The following TENM3 variants were observed in gnomAD, a reference collection of about 807,000 sequenced individuals.
The protein encoded by TENM3 is teneurin transmembrane protein 3.
TENM3 carries 63 observed loss-of-function variants against 255.1 expected under a neutral mutation model. That is an observed-to-expected ratio of 0.25 (90% CI 0.20 to 0.30). The LOEUF is 0.30. Ranked by LOEUF, TENM3 falls within the 10% of genes least tolerant of loss-of-function variation. The pLI is 1.00. For missense variants in TENM3, 2,929 were observed against 3,461.1 expected (o/e 0.85, Z 3.86); for synonymous variants, 1,306 against 1,322.3 (o/e 0.99, Z 0.27).
chr4:182,731,694 GGTGTGTGTGT>G (rs70956536), intron 16 of TENM3, among the ~76,000 whole-genome samples: 7,629 of 124,568 alleles, frequency 0.061, 338 homozygotes, highest in African/African-American at 0.14. Context: ...TGGGTGTTGG[GGTGTGTGTGT>G]GTGTGTGTGT....
At chr4:182,496,186 C>T (rs1269469011) in intron 3 of TENM3, among the ~76,000 whole-genome samples, 1 of 152,094 alleles carries the variant, frequency 6.6e-6, no homozygotes, top group Non-Finnish European at 1.5e-5. Flanking sequence ...CATATTCTGC[C>T]AGTAGTTTGA....
the TENM3 span, among the ~76,000 whole-genome samples, chr4:181,525,328 T>C: frequency 1.5e-5 from 2 of 135,682 alleles, no homozygotes; most frequent in African/African-American, 5.6e-5. Context: ...ACCCAGGAAG[T>C]GGAGGTTGCA....
the TENM3 span, among the ~76,000 whole-genome samples, chr4:181,610,316 T>C: frequency 0.019 from 2,921 of 152,304 alleles, 39 homozygotes; most frequent in East Asian, 0.038. Context: ...TTGTGAGGCG[T>C]GTATAAGATG....
the TENM3 span, among the ~76,000 whole-genome samples, chr4:181,911,159 T>A: frequency 6.6e-6 from 1 of 152,200 alleles, no homozygotes; most frequent in Non-Finnish European, 1.5e-5. Context: ...TCAGAACACA[T>A]GATCGGTTAA....
chr4:181,631,202 C>T, the TENM3 span, among the ~76,000 whole-genome samples: 3 of 152,148 alleles, frequency 2.0e-5, no homozygotes, highest in Non-Finnish European at 4.4e-5. Context: ...CCACTTTTAG[C>T]TCCCAGAGGC....
chr4:182,095,765 A>T, the TENM3 span, among the ~76,000 whole-genome samples: 2 of 152,264 alleles, frequency 1.3e-5, no homozygotes, highest in South Asian at 4.1e-4. Context: ...TTGAGGTGAG[A>T]CTATCCCAGT....
chr4:182,159,678 C>A (rs1222885253), intron 1 of TENM3, among the ~76,000 whole-genome samples: 1 of 152,096 alleles, frequency 6.6e-6, no homozygotes, highest in East Asian at 1.9e-4. Context: ...CCATTAGAAG[C>A]GCTCAGCTCA....
intron 4 of TENM3, among the ~76,000 whole-genome samples, chr4:182,615,622 A>C (rs375084762): frequency 3.8e-4 from 58 of 152,302 alleles, no homozygotes; most frequent in South Asian, 2.7e-3. Flanking sequence ...CACACGGTAG[A>C]TACTTAAAAG....
At position 182,178,355 on chromosome 4, in the gene TENM3, G is replaced by T. The variant is rs201484763; in HGVS notation, c.-76+33601G>T. Among the ~76,000 whole-genome samples, 8 of 152,152 alleles carry T rather than the reference G, an allele frequency of 5.3e-5. No homozygotes were observed. The East Asian group carries it at 1.4e-3, about 26-fold the overall frequency. The stretch of plus-strand genomic sequence containing the variant: ...ACTTTCCTAATAAATTTTACAACCA[G>T]TTCCTGAGAGGCCAGTGAAAGATCA... On this transcript the variant is annotated intron_variant, in intron 1 of 2. Transcript: ENST00000512480.
chr4:182,701,210 C>CTTTTTTGTTTTTTTTTTTTT (rs1757834179), intron 12 of TENM3, among the ~76,000 whole-genome samples: 2 of 38,644 alleles, frequency 5.2e-5, no homozygotes, highest in Non-Finnish European at 8.6e-5. Flanking sequence ...CAACTCTTGA[C>CTTTTTTGTTTTTTTTTTTTT]TTTTTTTTTT....
At chr4:181,952,450 A>G in the TENM3 span, among the ~76,000 whole-genome samples, 1 of 152,250 alleles carries the variant, frequency 6.6e-6, no homozygotes, top group Non-Finnish European at 1.5e-5. Flanking sequence ...GAAAATTCAG[A>G]GCAGCAGCAA....
intron 1 of TENM3, among the ~76,000 whole-genome samples, chr4:182,150,249 A>G (rs1750246402): frequency 6.6e-6 from 1 of 151,854 alleles, no homozygotes; most frequent in African/African-American, 2.4e-5. Context: ...GAGTAAGAGA[A>G]AGAGAGAGAA....
the TENM3 span, among the ~76,000 whole-genome samples, chr4:181,630,964 T>C: frequency 0.09 from 13,633 of 152,206 alleles, 653 homozygotes; most frequent in East Asian, 0.14. Flanking sequence ...CTTATTGGCT[T>C]ACAGTTTTGT....
In TENM3 at chr4:182,680,441, G is replaced by GA. The variant is rs895214609; in HGVS notation, c.1639+92_1639+93insA. The GA allele has an allele frequency of 3.7e-4, 524 of 1,401,924 alleles. 3 individuals are homozygous for GA. Among genetic ancestry groups the GA allele is most frequent in the Admixed American group, 1.0e-3 (58 of 57,810 alleles). The allele number at this position is 1,401,924 out of a possible 1,614,324, so 86.8% of individuals were successfully genotyped here. ...AACTACCGAGACAGGAAAGAAAGGG[G>GA]GGGGGAGACTGGCATATTGCTTGTT... is the stretch of plus-strand genomic sequence containing the variant. On this transcript the variant is annotated intron_variant, in intron 9 of 27. Coordinates refer to ENST00000511685, the MANE Select transcript of TENM3 (RefSeq NM_001080477.4).
chr4:181,629,910 T>C, the TENM3 span, among the ~76,000 whole-genome samples: 1 of 152,236 alleles, frequency 6.6e-6, no homozygotes, highest in Non-Finnish European at 1.5e-5. Context: ...TCAGAAGGAA[T>C]GGTACCAGCT....
the TENM3 span, among the ~76,000 whole-genome samples, chr4:181,775,484 G>A: frequency 2.0e-5 from 3 of 152,060 alleles, no homozygotes; most frequent in African/African-American, 2.4e-5. Flanking sequence ...TTTTTGGATT[G>A]TTGGTTCCTG....
chr4:181,906,144 A>G, the TENM3 span: 1 of 297,938 alleles, frequency 3.4e-6, no homozygotes. Context: ...AGGTGTGTAT[A>G]AACAGTAAGC....
At chr4:181,560,463 A>C in the TENM3 span, among the ~76,000 whole-genome samples, 17 of 152,296 alleles carry the variant, frequency 1.1e-4, no homozygotes, top group African/African-American at 2.9e-4. Context: ...ATGAGGAAAA[A>C]TTCGAACACT....
the TENM3 span, among the ~76,000 whole-genome samples, chr4:182,075,819 G>A: frequency 5.9e-5 from 9 of 152,066 alleles, no homozygotes; most frequent in South Asian, 2.1e-4. Context: ...GCTTCCCAAC[G>A]GGAACCTGTG....
Sources: gnomAD v4.1 joint callset for allele counts (sites outside exome capture counted in the v4.1 genomes callset) on GRCh38, gnomAD v4.1.1 for gene constraint, MANE v1.5 for transcripts, NCBI Gene and HGNC (gene_info 2026-07-23, HGNC 2026-07-21) for gene names.